The following CHTOP variants were observed in gnomAD, a reference collection of about 807,000 sequenced individuals.
CHTOP encodes chromatin target of PRMT1 protein.
In CHTOP, 18 loss-of-function variants were observed where a neutral mutation model predicts 33.6. The ratio of observed to expected loss-of-function variants is 0.54; its 90% CI spans 0.37 to 0.80. The LOEUF (loss-of-function observed/expected upper bound fraction) is 0.80, where lower values mean the gene tolerates loss of function less well. Among genes scored for constraint, CHTOP ranks in the 30% least tolerant of loss-of-function variants. CHTOP has a pLI of 0.00. For missense variants in CHTOP, 263 were observed against 336.8 expected (o/e 0.78, Z 1.71); for synonymous variants, 117 against 127.7 (o/e 0.92, Z 0.56).
chr1:153,634,949 G>T (rs935271251), intron 1 of CHTOP, among the ~76,000 whole-genome samples: 2 of 151,828 alleles, frequency 1.3e-5, no homozygotes, highest in African/African-American at 4.8e-5. Context: ...CGCCTCCCGG[G>T]TTCAAGCGAT....
At chr1:153,642,691 G>A (rs1213732251) in intron 4 of CHTOP, 6 of 305,144 alleles carry the variant, frequency 2.0e-5, no homozygotes, top group Admixed American at 1.4e-4. Context: ...ACACCCTGCT[G>A]TTGCTTGAAT....
intron 5 of CHTOP, 43 bp downstream of exon 5, chr1:153,643,407 T>G (rs769980264): frequency 6.8e-7 from 1 of 1,465,912 alleles, no homozygotes; most frequent in Non-Finnish European, 9.0e-7. Flanking sequence ...CCCCTTACTT[T>G]CCTCCCTTAA....
At chr1:153,638,674 T>C in intron 3 of CHTOP, 1 of 584,168 alleles carries the variant, frequency 1.7e-6, no homozygotes, top group Admixed American at 2.9e-5. Flanking sequence ...GTGGCCTGTT[T>C]CTGTTACCAA....
intron 3 of CHTOP, chr1:153,639,334 A>G (rs1668530490): frequency 1.8e-6 from 1 of 570,700 alleles, no homozygotes; most frequent in Non-Finnish European, 2.2e-6. Context: ...TCCTATTCAG[A>G]CCTGAAATAA....
In CHTOP at chr1:153,645,228, G is replaced by T; in HGVS notation, c.706G>T (p.Asp236Tyr). ...AAAAGGACACCTGGATGCTGAGTTGGATGCCTACATGGCGCAGACAGATCC... is the reference window on the plus strand; with the variant it reads ...AAAAGGACACCTGGATGCTGAGTTGTATGCCTACATGGCGCAGACAGATCC... ...KTKGHLDAEL[D>Y]AYMAQTDPET... is the part of the protein sequence containing the mutation. The change falls in exon 6 of 6, where the codon GAT becomes TAT. Residue 236 changes from aspartate to tyrosine, a missense_variant. By Grantham distance (160) the Asp-to-Tyr change is radical. Around this residue, in one of 3 missense-constraint regions of CHTOP, gnomAD observed 22 missense variants for 47.9 expected, o/e 0.46. Coordinates refer to ENST00000368694, the MANE Select transcript of CHTOP (RefSeq NM_015607.4). 6.2e-7 allele frequency: 1 copy of T among 1,614,164 alleles called. No homozygotes were observed. The highest frequency in any genetic ancestry group is 8.5e-7 in the Non-Finnish European group (1 of 1,180,028).
At chr1:153,637,474 C>G (rs1226787010) in intron 2 of CHTOP, 1 of 152,168 alleles carries the variant, frequency 6.6e-6, no homozygotes, top group African/African-American at 2.4e-5. Flanking sequence ...ATGGTGAAAC[C>G]CTGTCTCTAC....
At chr1:153,638,235 T>C (rs1668483922) in intron 2 of CHTOP, 60 bp from the exon 3 acceptor site, 1 of 1,580,966 alleles carries the variant, frequency 6.3e-7, no homozygotes, top group South Asian at 1.1e-5. Context: ...GCCATGAAAA[T>C]GCCAATAAAT....
At chr1:153,639,948 A>G (rs1348727802) in intron 3 of CHTOP, among the ~76,000 whole-genome samples, 3 of 151,902 alleles carry the variant, frequency 2.0e-5, no homozygotes, top group Non-Finnish European at 4.4e-5. Context: ...TAATTTTTGT[A>G]TTTTTAGTAG....
intron 4 of CHTOP, 133 bp from the exon 5 acceptor site, chr1:153,643,094 A>C: frequency 1.0e-6 from 1 of 963,482 alleles, no homozygotes. Context: ...TGTTCACAGT[A>C]TGCAGCTTGC....
rs527237265 is a variant in CHTOP, at chr1:153,643,286, G to T, written c.463G>T (p.Gly155Cys). Residue 155 changes from glycine (G) to cysteine (C), a missense_variant, in exon 5 of 6, where the codon GGT (glycine) becomes TGT (cysteine). Transcript: ENST00000368694. ...TCCCCGAATGGGCTTAAGAAGAGGT[G>T]GTGTTCGAGGTCGTGGAGGTCCTGG... is the stretch of plus-strand genomic sequence containing the variant. Reference protein sequence around the residue: ...VAPRMGLRRGGVRGRGGPGRG... With the variant: ...VAPRMGLRRGCVRGRGGPGRG... 6.2e-7 allele frequency: 1 copy of T among 1,613,992 alleles called. No individual in the cohort carries two copies. Among genetic ancestry groups the T allele is most frequent in the African/African-American group, 1.3e-5 (1 of 75,020 alleles).
chr1:153,643,298 C>A lies in CHTOP; in HGVS notation c.475C>A (p.Arg159Ser). 1 of 1,613,640 alleles carries A rather than the reference C, an allele frequency of 6.2e-7. No individual in the cohort carries two copies. Among genetic ancestry groups the A allele is most frequent in the South Asian group, 1.1e-5 (1 of 91,038 alleles). The change falls in exon 5 of 6, where the codon CGT becomes AGT. Residue 159 changes from arginine to serine, a missense_variant. Arg to Ser is a moderately radical substitution (Grantham distance 110, BLOSUM62 -1). Coordinates refer to ENST00000368694, the MANE Select transcript of CHTOP (RefSeq NM_015607.4). ...MGLRRGGVRGRGGPGRGGLGR... is the reference protein window; with the variant it reads ...MGLRRGGVRGSGGPGRGGLGR... Reference sequence around the variant, plus strand: ...CTTAAGAAGAGGTGGTGTTCGAGGTCGTGGAGGTCCTGGGAGAGGGGGCCT... The same window carrying A: ...CTTAAGAAGAGGTGGTGTTCGAGGTAGTGGAGGTCCTGGGAGAGGGGGCCT...
rs148059258 is a variant in CHTOP at position 153,636,594 on chromosome 1, T to C, written c.6T>C (p.Ala2=). Residue 2 remains alanine (A), a synonymous_variant, in exon 2 of 6, where the codon GCT becomes GCC. Coordinates refer to ENST00000368694, the MANE Select transcript of CHTOP (RefSeq NM_015607.4). The part of the protein sequence containing the change: M[A]AQSAPKVVLK... ...TAGATTCTCGGGATTCGAAGATGGCTGCACAGTCAGCGCCGAAAGTTGTGC... is the reference window on the plus strand; with the variant it reads ...TAGATTCTCGGGATTCGAAGATGGCCGCACAGTCAGCGCCGAAAGTTGTGC... The C allele has an allele frequency of 1.2e-6, 2 of 1,613,352 alleles. No individual in the cohort carries two copies. Among genetic ancestry groups the C allele is most frequent in the African/African-American group, 1.3e-5 (1 of 74,920 alleles).
At chr1:153,641,533 A>G (rs570984519) in intron 3 of CHTOP, among the ~76,000 whole-genome samples, 2 of 152,270 alleles carry the variant, frequency 1.3e-5, no homozygotes, top group African/African-American at 4.8e-5. Flanking sequence ...TTTGAGTTAC[A>G]TGTTTATTTT....
At position 153,636,577 on chromosome 1, in the gene CHTOP, C is replaced by T. The variant is rs925238635; in HGVS notation, c.-12C>T. The T allele has an allele frequency of 2.5e-6, 4 of 1,610,768 alleles. No homozygotes were observed. The highest frequency in any genetic ancestry group is 1.7e-4 in the Middle Eastern group (1 of 6,044). ...TTACGTATTGTTCTTTGTAGATTCT[C>T]GGGATTCGAAGATGGCTGCACAGTC... On this transcript the variant is annotated 5_prime_UTR_variant, in exon 2 of 6. Transcript: ENST00000368694.
In CHTOP at chr1:153,642,554, A is replaced by G. The variant is rs967668111; in HGVS notation, c.403+125A>G. On this transcript the variant is annotated intron_variant, in intron 4 of 5. Coordinates refer to ENST00000368694, the MANE Select transcript of CHTOP (RefSeq NM_015607.4). The stretch of plus-strand genomic sequence containing the variant: ...TTGTATTAATATAATAACTTCTGAA[A>G]TCACATATTTTTAATAGTGCTGCAT... 1.5e-5 allele frequency: 11 copies of G among 721,672 alleles called. No individual in the cohort carries two copies. In the South Asian group the frequency reaches 1.8e-4, roughly 12 times the overall value. 44.7% of individuals were successfully genotyped at this position (721,672 alleles called of 1,614,324 possible). A position where few individuals can be genotyped will look rare whatever the true frequency, so the allele number is the denominator to read the frequency against.
intron 2 of CHTOP, 115 bp downstream of exon 2, chr1:153,636,768 C>T (rs962994541): frequency 2.3e-6 from 2 of 853,014 alleles, no homozygotes; most frequent in South Asian, 1.6e-5. Context: ...AGGCTACAGA[C>T]CTCTGTTCTT....
At chr1:153,641,711 A>G (rs1468452723) in intron 3 of CHTOP, among the ~76,000 whole-genome samples, 4 of 152,246 alleles carry the variant, frequency 2.6e-5, no homozygotes, top group African/African-American at 4.8e-5. Context: ...AAAATGGAGC[A>G]CACGGGCCTT....
Position 153,642,277 on chromosome 1 carries a change from T to G in CHTOP, c.251T>G (p.Ile84Ser). 6.2e-7 allele frequency: 1 copy of G among 1,613,888 alleles called. No individual in the cohort carries two copies. Residue 84 changes from isoleucine (I) to serine (S), a missense_variant, in exon 4 of 6, where the codon ATC becomes AGC. Physicochemically the swap from Ile to Ser is moderately radical, Grantham distance 142. Transcript: ENST00000368694. ...SLKQRLGKSNIQARLGRPIGA... is the reference protein window; with the variant it reads ...SLKQRLGKSNSQARLGRPIGA... Reference sequence around the variant, plus strand: ...AAGCAGCGCCTGGGTAAGAGTAACATCCAGGCACGGTTAGGCCGACCCATA... The same window carrying G: ...AAGCAGCGCCTGGGTAAGAGTAACAGCCAGGCACGGTTAGGCCGACCCATA...
chr1:153,637,760 CCTT>C (rs1307370693), intron 2 of CHTOP: 1 of 153,826 alleles, frequency 6.5e-6, no homozygotes, highest in East Asian at 1.9e-4. Flanking sequence ...GTGCTTCTCT[CCTT>C]ATCTCTTTGG....
Sources: allele counts gnomAD v4.1 joint callset (sites outside exome capture counted in the v4.1 genomes callset), GRCh38; gene constraint gnomAD v4.1.1; regional missense constraint gnomAD v4.1.1; transcripts MANE v1.5; gene names NCBI Gene and HGNC (gene_info 2026-07-23, HGNC 2026-07-21).